DGKB: variants seen among roughly 807,000 people sequenced by gnomAD.
The protein encoded by DGKB is 90 kDa diacylglycerol kinase.
Under a neutral mutation model 114.3 loss-of-function variants are expected in DGKB, and 67 were observed. The ratio of observed to expected loss-of-function variants is 0.59; its 90% CI spans 0.48 to 0.72. DGKB has a LOEUF of 0.72. DGKB is among the 30% of genes least tolerant of loss of function. The pLI is 0.00. For missense variants in DGKB, 907 were observed against 975.2 expected (o/e 0.93, Z 0.93); for synonymous variants, 398 against 323.1 (o/e 1.23, Z -2.49).
At chr7:14,524,824 T>TA (rs1790386128) in intron 20 of DGKB, among the ~76,000 whole-genome samples, 2 of 151,882 alleles carry the variant, frequency 1.3e-5, no homozygotes, top group East Asian at 1.9e-4. Flanking sequence ...ACGAAAATAC[T>TA]AAAAAATTAC....
chr7:14,630,373 A>G, intron 13 of DGKB, 105 bp from the exon 14 acceptor site: 2 of 698,378 alleles, frequency 2.9e-6, no homozygotes, highest in East Asian at 3.2e-5. Flanking sequence ...AAATGAGTAA[A>G]TTAAAAATAC....
chr7:14,454,580 A>G (rs1484010081), intron 21 of DGKB, among the ~76,000 whole-genome samples: 1 of 152,040 alleles, frequency 6.6e-6, no homozygotes, highest in Non-Finnish European at 1.5e-5. Flanking sequence ...CGATCTTTGC[A>G]TTATATAGAA....
chr7:14,478,905 G>A (rs1782593424), intron 20 of DGKB, among the ~76,000 whole-genome samples: 1 of 152,010 alleles, frequency 6.6e-6, no homozygotes, highest in African/African-American at 2.4e-5. Context: ...GACCCTAATG[G>A]ATGTTTCTTA....
intron 1 of DGKB, among the ~76,000 whole-genome samples, chr7:14,897,555 T>C (rs217593): frequency 0.83 from 125,946 of 151,856 alleles, 52,711 homozygotes; most frequent in East Asian, 0.97. Flanking sequence ...CTTATTCTAC[T>C]ATTTGGGTTT....
chr7:14,238,828 A>C (rs2128359348), intron 23 of DGKB, among the ~76,000 whole-genome samples: 1 of 152,162 alleles, frequency 6.6e-6, no homozygotes, highest in Admixed American at 6.6e-5. Context: ...TTATTGAAAT[A>C]TCATGAATAC....
chr7:14,241,257 T>A (rs960458520), intron 23 of DGKB, among the ~76,000 whole-genome samples: 1 of 152,182 alleles, frequency 6.6e-6, no homozygotes, highest in Non-Finnish European at 1.5e-5. Flanking sequence ...CAGCCTAATT[T>A]ACATTGAGTA....
chr7:14,168,780 CAG>C (rs1180818706), intron 25 of DGKB, among the ~76,000 whole-genome samples: 1 of 152,180 alleles, frequency 6.6e-6, no homozygotes, highest in Non-Finnish European at 1.5e-5. Context: ...AAGATATCAA[CAG>C]AGTCACAGGA....
chr7:14,835,558 A>G (rs1347819148), intron 2 of DGKB, among the ~76,000 whole-genome samples: 1 of 152,192 alleles, frequency 6.6e-6, no homozygotes, highest in Admixed American at 6.5e-5. Context: ...TTCCCAAAAT[A>G]GAGCCAATCT....
At chr7:14,504,683 G>A (rs370941181) in intron 20 of DGKB, among the ~76,000 whole-genome samples, 1 of 152,048 alleles carries the variant, frequency 6.6e-6, no homozygotes, top group Non-Finnish European at 1.5e-5. Flanking sequence ...AAAACACAAA[G>A]AACAATCAGA....
At position 14,573,332 on chromosome 7, in the gene DGKB, G is replaced by C. The variant is rs1306719092; in HGVS notation, c.1770+880C>G. Among the ~76,000 whole-genome samples, 4 of 152,020 alleles carry C rather than the reference G, an allele frequency of 2.6e-5. No individual in the cohort carries two copies. The East Asian group carries it at 7.7e-4, about 29-fold the overall frequency. ...TCTATGAGAGAGGAAATAATAACCA[G>C]CATGGCACAGATAAATAAATAGATA... On this transcript the variant is annotated intron_variant, in intron 20 of 25. Coordinates refer to ENST00000402815, the MANE Select transcript of DGKB (RefSeq NM_001350709.2).
At chr7:14,764,036 TC>T (rs1836097219) in intron 2 of DGKB, among the ~76,000 whole-genome samples, 1 of 151,836 alleles carries the variant, frequency 6.6e-6, no homozygotes, top group Non-Finnish European at 1.5e-5. Context: ...AATCTAAGCC[TC>T]CCCACATAGC....
chr7:14,933,024 C>G (rs968402322), intron 1 of DGKB, among the ~76,000 whole-genome samples: 1 of 152,138 alleles, frequency 6.6e-6, no homozygotes, highest in Non-Finnish European at 1.5e-5. Context: ...CTCCTCTGTC[C>G]TTTCAATCTC....
At chr7:14,184,217 G>C (rs139617501) in intron 23 of DGKB, among the ~76,000 whole-genome samples, 3,276 of 152,234 alleles carry the variant, frequency 0.022, 98 homozygotes, top group African/African-American at 0.068. Context: ...AGAGGAGCAG[G>C]GGGTAAAACT....
In DGKB at chr7:14,485,891, C is replaced by CAAA. The variant is rs11454311; in HGVS notation, c.1771-7669_1771-7667dup. ...GGGTAACAAGAATAAAACTCCATCT[C>CAAA]AAAAAAAAAAAAAAAATAGGGACAC... On this transcript the variant is annotated intron_variant, in intron 20 of 25. Coordinates refer to ENST00000402815, the MANE Select transcript of DGKB (RefSeq NM_001350709.2). Among the ~76,000 whole-genome samples, 1,045 of 115,382 alleles carry CAAA rather than the reference C, an allele frequency of 9.1e-3. 80 individuals carry two copies. The East Asian group carries it at 0.18, about 20-fold the overall frequency. The allele number at this position is 115,382 out of a possible 152,430, so 75.7% of individuals were successfully genotyped here.
At chr7:14,624,555 C>T (rs1213800564) in intron 14 of DGKB, among the ~76,000 whole-genome samples, 6 of 152,068 alleles carry the variant, frequency 3.9e-5, no homozygotes, top group African/African-American at 1.2e-4. Flanking sequence ...TTTGGCCACA[C>T]GTATAGCTAG....
At chr7:14,909,703 A>G (rs1041846272) in intron 1 of DGKB, among the ~76,000 whole-genome samples, 1 of 152,182 alleles carries the variant, frequency 6.6e-6, no homozygotes, top group South Asian at 2.1e-4. Context: ...TTATTCCTCA[A>G]TTGGGATGAC....
chr7:14,499,054 G>T (rs574738677), intron 20 of DGKB, among the ~76,000 whole-genome samples: 2 of 151,672 alleles, frequency 1.3e-5, no homozygotes, highest in Admixed American at 1.3e-4. Context: ...GTAGAGAAAA[G>T]GTGTTTCTTA....
At chr7:14,961,232 G>A (rs1786825341) in intron 1 of DGKB, among the ~76,000 whole-genome samples, 1 of 152,084 alleles carries the variant, frequency 6.6e-6, no homozygotes, top group Non-Finnish European at 1.5e-5. Flanking sequence ...TTGTGTGCAT[G>A]AAGCTTAGCT....
At chr7:14,694,564 G>C (rs1462288093) in intron 8 of DGKB, among the ~76,000 whole-genome samples, 2 of 152,134 alleles carry the variant, frequency 1.3e-5, no homozygotes, top group Admixed American at 6.6e-5. Context: ...TCATGGCAAA[G>C]AGCTCATATA....
Sources: gnomAD v4.1 joint callset for allele counts (sites outside exome capture counted in the v4.1 genomes callset) on GRCh38, gnomAD v4.1.1 for gene constraint, MANE v1.5 for transcripts, NCBI Gene and HGNC (gene_info 2026-07-23, HGNC 2026-07-21) for gene names.